The following DNAH11 variants were observed in gnomAD, a reference collection of about 807,000 sequenced individuals.
DNAH11 encodes dynein axonemal heavy chain 11.
DNAH11 carries 442 observed loss-of-function variants against 526.0 expected under a neutral mutation model. The ratio of observed to expected loss-of-function variants is 0.84; its 90% confidence interval spans 0.78 to 0.91. The LOEUF is 0.91. Among genes scored for constraint, DNAH11 ranks in the 40% least tolerant of loss-of-function variants. The pLI is 0.00. For missense variants in DNAH11, 6,989 were observed against 5,448.7 expected, an observed-to-expected ratio of 1.28 and a Z score of -8.90; for synonymous variants, 2,461 against 1,935.9, an observed-to-expected ratio of 1.27 and a Z score of -7.12.
rs917786035 is a variant in DNAH11, at chr7:21,871,336, A to T, written c.11968-1938A>T. ...ATAGATTGTCTAAAAGTGTTGCACA[A>T]GCATTGCTGTTCTTGGAAAAATAGG... On this transcript the variant is annotated intron_variant, in intron 73 of 81. Transcript: ENST00000409508. 2.6e-5 allele frequency among the ~76,000 whole-genome samples: 4 copies of T among 152,342 alleles called. No individual in the cohort carries two copies. In the East Asian group the frequency reaches 7.7e-4, roughly 29 times the overall value.
chr7:21,561,447 TA>T lies in DNAH11; in HGVS notation c.982+289del, dbSNP rs35392204. ...GAGGAGTGAGGCCTTCATTCGGAGT[TA>T]AAAAAAAAAAATAAGTCTGGATAGA... is the stretch of plus-strand genomic sequence containing the variant. On this transcript the variant is annotated intron_variant, in intron 5 of 81. Transcript: ENST00000409508. The T allele has an allele frequency of 0.29, 67,591 of 235,620 alleles. 6,741 individuals carry two copies. Among genetic ancestry groups the T allele is most frequent in the East Asian group, 0.47 (4,796 of 10,126 alleles). The allele number at this position is 235,620 out of a possible 1,614,324, so 14.6% of individuals were successfully genotyped here. A position where few individuals can be genotyped will look rare whatever the true frequency, so the allele number is the denominator to read the frequency against.
In DNAH11 at chr7:21,698,203, T is replaced by C. The variant is rs777354329; in HGVS notation, c.6170T>C (p.Leu2057Pro). The part of the protein sequence containing the change: ...ITLYTLCKEL[L>P]SKQDHYDWGL... ...TTGTACACGCTTTGCAAGGAGCTTCTCTCCAAGCAGGTGAGGGATCATTTG... is the reference window on the plus strand; with the variant it reads ...TTGTACACGCTTTGCAAGGAGCTTCCCTCCAAGCAGGTGAGGGATCATTTG... The change falls in exon 36 of 82, where the codon CTC (leucine) becomes CCC (proline). Residue 2057 changes from leucine (L) to proline (P), a missense_variant. Leu to Pro is a moderately conservative substitution (Grantham distance 98). Coordinates refer to ENST00000409508, the MANE Select transcript of DNAH11 (RefSeq NM_001277115.2). 1.2e-6 allele frequency: 2 copies of C among 1,613,560 alleles called. No homozygotes were observed. The highest frequency in any genetic ancestry group is 8.5e-7 in the Non-Finnish European group (1 of 1,179,658).
chr7:21,564,284 A>C lies in DNAH11; in HGVS notation c.1081A>C (p.Ile361Leu). 1.2e-6 allele frequency: 2 copies of C among 1,613,708 alleles called. No individual in the cohort carries two copies. The highest frequency in any genetic ancestry group is 1.7e-6 in the Non-Finnish European group (2 of 1,179,760). Residue 361 changes from isoleucine (I) to leucine (L), a missense_variant, in exon 6 of 82, where the codon ATC becomes CTC. Ile to Leu is a conservative substitution (Grantham distance 5). Transcript: ENST00000409508. ...GGAATTCCCACAGACACGCATATTA[A>C]TCGCTCCATTATTTCATACCATCTG... ...ETEFPQTRILIAPLFHTICLI... is the reference protein window; with the variant it reads ...ETEFPQTRILLAPLFHTICLI...
intron 74 of DNAH11, among the ~76,000 whole-genome samples, chr7:21,875,916 C>T (rs1200965742): frequency 7.9e-6 from 1 of 126,312 alleles, no homozygotes; most frequent in Non-Finnish European, 1.6e-5. Context: ...CAGAGTCTCA[C>T]TCTATCGCCC....
chr7:21,768,965 C>T (rs10271832), intron 55 of DNAH11, among the ~76,000 whole-genome samples: 18,432 of 151,882 alleles, frequency 0.12, 1,682 homozygotes, highest in African/African-American at 0.24. Context: ...GCACATTGTG[C>T]ACATGTACCC....
intron 71 of DNAH11, 131 bp downstream of exon 71, chr7:21,866,794 T>C: frequency 1.0e-6 from 1 of 1,002,498 alleles, no homozygotes; most frequent in East Asian, 2.7e-5. Context: ...GAGATTTTGA[T>C]ATTATAATCA....
chr7:21,806,485 A>G (rs1789267959), intron 62 of DNAH11, among the ~76,000 whole-genome samples: 1 of 152,170 alleles, frequency 6.6e-6, no homozygotes, highest in Non-Finnish European at 1.5e-5. Context: ...ATGATCTTGA[A>G]ACCACTTTGA....
intron 20 of DNAH11, among the ~76,000 whole-genome samples, chr7:21,607,911 C>T (rs1276799033): frequency 7.9e-6 from 1 of 126,396 alleles, no homozygotes; most frequent in East Asian, 2.2e-4. Flanking sequence ...GTACTCCAGC[C>T]TGGCGACAGA....
chr7:21,867,585 A>C (rs557194747), intron 71 of DNAH11, among the ~76,000 whole-genome samples: 1 of 152,326 alleles, frequency 6.6e-6, no homozygotes, highest in Admixed American at 6.5e-5. Flanking sequence ...ACAAAGCCAT[A>C]GCAGACAGCT....
intron 54 of DNAH11, among the ~76,000 whole-genome samples, chr7:21,754,412 T>C (rs1285453510): frequency 6.6e-6 from 1 of 152,214 alleles, no homozygotes; most frequent in Non-Finnish European, 1.5e-5. Flanking sequence ...CCTTTTTCTT[T>C]GTTTCCTTTG....
At chr7:21,661,278 T>C (rs1220882353) in intron 30 of DNAH11, among the ~76,000 whole-genome samples, 1 of 152,100 alleles carries the variant, frequency 6.6e-6, no homozygotes, top group African/African-American at 2.4e-5. Flanking sequence ...ATTTTTTATT[T>C]ATTTTTCACC....
intron 31 of DNAH11, among the ~76,000 whole-genome samples, chr7:21,681,900 G>C (rs1270504128): frequency 6.6e-6 from 1 of 152,148 alleles, no homozygotes; most frequent in African/African-American, 2.4e-5. Flanking sequence ...TGCCAAGTTA[G>C]GAACATCAGA....
chr7:21,693,905 TA>T (rs1405491115), intron 35 of DNAH11, among the ~76,000 whole-genome samples: 2 of 152,142 alleles, frequency 1.3e-5, no homozygotes, highest in African/African-American at 4.8e-5. Flanking sequence ...GGCAGAAGGC[TA>T]AGGGGAAGCA....
intron 61 of DNAH11, among the ~76,000 whole-genome samples, chr7:21,795,114 G>A (rs1788654215): frequency 6.6e-6 from 1 of 152,094 alleles, no homozygotes; most frequent in Non-Finnish European, 1.5e-5. Flanking sequence ...TGCCTTTCTG[G>A]TGACATCCCT....
chr7:21,745,044 G>A lies in DNAH11; in HGVS notation c.8491G>A (p.Glu2831Lys). The change falls in exon 51 of 82, where the codon GAA becomes AAA. Residue 2831 changes from glutamate (E) to lysine (K), a missense_variant. By Grantham distance (56) the Glu-to-Lys change is moderately conservative (BLOSUM62 1). Transcript: ENST00000409508. ...LNAAMHLVLF[E>K]DAMQHVCRIS... is the part of the protein sequence containing the mutation. ...TGCTGCCATGCACCTAGTTTTGTTT[G>A]AAGATGCCATGCAACATGTGTGAGT... 6.2e-7 allele frequency: 1 copy of A among 1,608,158 alleles called. No homozygotes were observed. The highest frequency in any genetic ancestry group is 1.1e-5 in the South Asian group (1 of 89,650).
At chr7:21,604,567 G>T (rs989877087) in intron 18 of DNAH11, among the ~76,000 whole-genome samples, 2 of 152,146 alleles carry the variant, frequency 1.3e-5, no homozygotes, top group African/African-American at 4.8e-5. Flanking sequence ...ATCTCTGCCT[G>T]TTGAAACCTA....
At chr7:21,601,864 C>T (rs1005526207) in intron 18 of DNAH11, among the ~76,000 whole-genome samples, 3 of 151,844 alleles carry the variant, frequency 2.0e-5, no homozygotes, top group African/African-American at 7.3e-5. Flanking sequence ...CCACTGTGCT[C>T]CACTGCCTTC....
rs1318245631 is a variant in DNAH11, at chr7:21,591,218, T to C, written c.2308T>C (p.Tyr770His). 1.9e-6 allele frequency: 3 copies of C among 1,567,888 alleles called. No individual in the cohort carries two copies. The highest frequency in any genetic ancestry group is 4.5e-5 in the East Asian group (2 of 44,384). The change falls in exon 14 of 82, where the codon TAT (tyrosine) becomes CAT (histidine). Residue 770 changes from tyrosine to histidine, a missense_variant. Tyr to His is a moderately conservative substitution (Grantham distance 83, BLOSUM62 2). Transcript: ENST00000409508. Reference protein sequence around the residue: ...IGNLDLLVQGYNKLKQTLLEV... With the variant: ...IGNLDLLVQGHNKLKQTLLEV... ...AAATCTTGACCTTCTTGTGCAAGGG[T>C]ATAATAAACTCAAACAGACGCTCCT...
chr7:21,569,609 C>T (rs1304716350), intron 6 of DNAH11, among the ~76,000 whole-genome samples: 1 of 152,156 alleles, frequency 6.6e-6, no homozygotes, highest in Non-Finnish European at 1.5e-5. Context: ...AAAGAATTTC[C>T]ACTGTTACAC....
Sources: gnomAD v4.1 joint callset for allele counts (sites outside exome capture counted in the v4.1 genomes callset) on GRCh38, gnomAD v4.1.1 for gene constraint, MANE v1.5 for transcripts, NCBI Gene and HGNC (gene_info 2026-07-23, HGNC 2026-07-21) for gene names.